The following FXR1 variants were observed in gnomAD, a reference collection of about 807,000 sequenced individuals.
The protein encoded by FXR1 is RNA-binding protein FXR1.
A neutral mutation model predicts 84.0 loss-of-function variants in FXR1; 15 were observed. That is an observed-to-expected ratio of 0.18 (90% confidence interval 0.12 to 0.27). The LOEUF (loss-of-function observed/expected upper bound fraction) is 0.27, where lower values mean the gene tolerates loss of function less well. Among genes scored for constraint, FXR1 ranks in the 10% least tolerant of loss-of-function variants. The pLI is 1.00. For synonymous variants in FXR1, 245 were observed against 250.7 expected, an observed-to-expected ratio of 0.98 and a Z score of 0.21; for missense variants, 480 against 774.4, an observed-to-expected ratio of 0.62 and a Z score of 4.51.
chr3:180,913,612 ATAGAG>A (rs1280845226), intron 1 of FXR1, among the ~76,000 whole-genome samples: 1 of 152,174 alleles, frequency 6.6e-6, no homozygotes, highest in Non-Finnish European at 1.5e-5. Context: ...CGTAAGAGGA[ATAGAG>A]TAGAGGAATT....
rs1373899128 is a variant in FXR1, at chr3:180,981,989, G to A, written c.*5697G>A. On this transcript the variant is annotated 3_prime_UTR_variant, in exon 17 of 17. Coordinates refer to ENST00000357559, the MANE Select transcript of FXR1 (RefSeq NM_005087.4). ...AAGACAAAGGCCCCAAGCTAGATCT[G>A]TAGAGATAAGTACTAGACTCACATC... 1.3e-5 allele frequency: 2 copies of A among 152,018 alleles called. No individual in the cohort carries two copies. Among genetic ancestry groups the A allele is most frequent in the Non-Finnish European group, 2.9e-5 (2 of 67,938 alleles). 9.4% of individuals were successfully genotyped at this position (152,018 alleles called of 1,614,324 possible). A position where few individuals can be genotyped will look rare whatever the true frequency, so the allele number is the denominator to read the frequency against.
At position 180,924,205 on chromosome 3, in the gene FXR1, C is replaced by T. The variant is rs755211583; in HGVS notation, c.52-9129C>T. ...CCTCAGGTGATCTGCCTGCCTCGAC[C>T]TCCCAAAGTGCTGGGATTACAGGTG... On this transcript the variant is annotated intron_variant, in intron 1 of 16. Transcript: ENST00000357559. Among the ~76,000 whole-genome samples the T allele has an allele frequency of 9.9e-5, 15 of 152,220 alleles. 1 individual carries two copies. The highest frequency in any genetic ancestry group is 2.9e-5 in the Non-Finnish European group (2 of 68,028).
chr3:180,957,967 C>CT (rs754019564), intron 10 of FXR1, 39 bp downstream of exon 10: 26 of 893,800 alleles, frequency 2.9e-5, no homozygotes, highest in African/African-American at 3.4e-5. Context: ...TTAAAATGTC[C>CT]TTTTTTTGGC....
chr3:180,918,121 A>G (rs1199035523), intron 1 of FXR1, among the ~76,000 whole-genome samples: 1 of 152,104 alleles, frequency 6.6e-6, no homozygotes, highest in African/African-American at 2.4e-5. Context: ...TCCAGAAAAC[A>G]TTATTTTTCC....
intron 15 of FXR1, among the ~76,000 whole-genome samples, chr3:180,972,203 C>G (rs929233260): frequency 6.6e-6 from 1 of 152,164 alleles, no homozygotes; most frequent in African/African-American, 2.4e-5. Flanking sequence ...GTGGCTCATA[C>G]CTGTAATCCC....
chr3:180,966,620 C>CT (rs1712866321), intron 13 of FXR1, among the ~76,000 whole-genome samples: 1 of 152,148 alleles, frequency 6.6e-6, no homozygotes, highest in Non-Finnish European at 1.5e-5. Flanking sequence ...CTCTGCCAGG[C>CT]ATTTGAGGAC....
At chr3:180,944,174 A>C (rs996212062) in intron 3 of FXR1, among the ~76,000 whole-genome samples, 10 of 152,120 alleles carry the variant, frequency 6.6e-5, no homozygotes, top group African/African-American at 2.4e-4. Context: ...CGGCCTCCCA[A>C]AGTGCTGGGA....
At chr3:180,937,370 G>T (rs1720640260) in intron 3 of FXR1, among the ~76,000 whole-genome samples, 1 of 152,106 alleles carries the variant, frequency 6.6e-6, no homozygotes, top group African/African-American at 2.4e-5. Flanking sequence ...TGAGGGTGTT[G>T]TTACAGTGTA....
At chr3:180,921,763 C>T (rs931373475) in intron 1 of FXR1, among the ~76,000 whole-genome samples, 2 of 151,512 alleles carry the variant, frequency 1.3e-5, no homozygotes, top group South Asian at 2.1e-4. Flanking sequence ...TAAAAGTATA[C>T]GTTTACATAG....
At chr3:180,933,409 G>A in intron 2 of FXR1, 23 bp downstream of exon 2, 1 of 1,428,932 alleles carries the variant, frequency 7.0e-7, no homozygotes, top group Non-Finnish European at 9.9e-7. Context: ...TGTTGACAAA[G>A]GCCTTAATTT....
At chr3:180,958,084 G>A (rs763388651) in intron 10 of FXR1, among the ~76,000 whole-genome samples, 156 bp downstream of exon 10, 2 of 152,008 alleles carry the variant, frequency 1.3e-5, no homozygotes, top group Non-Finnish European at 2.9e-5. Context: ...TAGAAAACAA[G>A]TCATTTTCTA....
intron 1 of FXR1, among the ~76,000 whole-genome samples, chr3:180,920,747 G>A (rs1332293190): frequency 2.6e-5 from 4 of 152,104 alleles, no homozygotes; most frequent in Non-Finnish European, 5.9e-5. Flanking sequence ...CTGATCTCAG[G>A]TGATCTGCCT....
intron 1 of FXR1, among the ~76,000 whole-genome samples, chr3:180,931,272 G>A (rs1719865949): frequency 6.6e-6 from 1 of 152,080 alleles, no homozygotes. Flanking sequence ...AGGCTGGAGT[G>A]TAGTGGTGTA....
chr3:180,973,682 C>T (rs545235154), intron 15 of FXR1, among the ~76,000 whole-genome samples: 1 of 152,186 alleles, frequency 6.6e-6, no homozygotes, highest in African/African-American at 2.4e-5. Flanking sequence ...CGTACTGTTT[C>T]TTACAGTTTG....
intron 13 of FXR1, among the ~76,000 whole-genome samples, chr3:180,964,462 T>C (rs1712536418): frequency 6.6e-6 from 1 of 152,056 alleles, no homozygotes; most frequent in Non-Finnish European, 1.5e-5. Flanking sequence ...TAGATAATTA[T>C]GTGAGAGGTA....
chr3:180,957,114 G>A (rs1321753159), intron 9 of FXR1, among the ~76,000 whole-genome samples: 1 of 152,132 alleles, frequency 6.6e-6, no homozygotes, highest in Non-Finnish European at 1.5e-5. Flanking sequence ...GTCCTTTAGG[G>A]AAAGAGAGCC....
chr3:180,932,851 T>C (rs1183388113), intron 1 of FXR1, among the ~76,000 whole-genome samples: 4 of 152,246 alleles, frequency 2.6e-5, no homozygotes, highest in African/African-American at 9.6e-5. Context: ...TGCCAGGTAC[T>C]GTGCTAAACA....
intron 7 of FXR1, 58 bp downstream of exon 7, chr3:180,949,401 T>C: frequency 2.3e-6 from 2 of 872,752 alleles, no homozygotes; most frequent in South Asian, 2.6e-5. Context: ...TTGTTTGTTT[T>C]TTGGAGACAG....
At chr3:180,947,355 A>G (rs1721807316) in intron 3 of FXR1, among the ~76,000 whole-genome samples, 1 of 152,154 alleles carries the variant, frequency 6.6e-6, no homozygotes, top group African/African-American at 2.4e-5. Flanking sequence ...CCTGGATAGG[A>G]ATTTTGTAAG....
Sources: allele counts gnomAD v4.1 joint callset (sites outside exome capture counted in the v4.1 genomes callset), GRCh38; gene constraint gnomAD v4.1.1; transcripts MANE v1.5; gene names NCBI Gene and HGNC (gene_info 2026-07-23, HGNC 2026-07-21).